Variants in SPATA6 observed in about 807,000 individuals in gnomAD.
The protein encoded by SPATA6 is spermatogenesis-associated protein 6.
A neutral mutation model predicts 65.3 loss-of-function variants in SPATA6; 56 were observed. The ratio of observed to expected loss-of-function variants is 0.86; its 90% CI spans 0.69 to 1.07. SPATA6 has a LOEUF of 1.07. Ranked by LOEUF, SPATA6 falls within the 50% of genes least tolerant of loss-of-function variation. The pLI is 0.00. For missense variants in SPATA6, 590 were observed against 594.8 expected, an observed-to-expected ratio of 0.99 and a Z score of 0.08; for synonymous variants, 199 against 213.2, an observed-to-expected ratio of 0.93 and a Z score of 0.58.
At chr1:48,436,977 T>C (rs529484563) in intron 3 of SPATA6, 2 of 1,611,744 alleles carry the variant, frequency 1.2e-6, no homozygotes, top group Non-Finnish European at 1.7e-6. Flanking sequence ...CCTCAAAAAC[T>C]TTCTCTCCTG....
intron 3 of SPATA6, among the ~76,000 whole-genome samples, chr1:48,437,527 T>G (rs1655050817): frequency 6.6e-6 from 1 of 152,204 alleles, no homozygotes; most frequent in Non-Finnish European, 1.5e-5. Flanking sequence ...GCCAGTTAAT[T>G]TTTTTCAGTA....
chr1:48,329,516 G>A (rs947843550), intron 11 of SPATA6, among the ~76,000 whole-genome samples: 5 of 152,078 alleles, frequency 3.3e-5, no homozygotes, highest in African/African-American at 9.7e-5. Flanking sequence ...AATTAAACTC[G>A]AATTACTATT....
At chr1:48,345,645 A>C (rs955230412) in intron 11 of SPATA6, among the ~76,000 whole-genome samples, 7 of 152,020 alleles carry the variant, frequency 4.6e-5, no homozygotes, top group Non-Finnish European at 8.8e-5. Context: ...CAATCCTAGA[A>C]ACAACAAGGG....
At chr1:48,322,805 C>A (rs777203228) in intron 11 of SPATA6, among the ~76,000 whole-genome samples, 1 of 152,146 alleles carries the variant, frequency 6.6e-6, no homozygotes, top group Non-Finnish European at 1.5e-5. Flanking sequence ...ATGCAGCCAA[C>A]AAACTTATGA....
intron 3 of SPATA6, among the ~76,000 whole-genome samples, chr1:48,424,432 G>A (rs1389744042): frequency 6.6e-6 from 1 of 152,210 alleles, no homozygotes; most frequent in African/African-American, 2.4e-5. Flanking sequence ...ACTGTAAACA[G>A]TGCTGCAACA....
intron 8 of SPATA6, among the ~76,000 whole-genome samples, chr1:48,392,848 T>C (rs1176885178): frequency 1.3e-5 from 2 of 151,946 alleles, no homozygotes; most frequent in African/African-American, 4.8e-5. Flanking sequence ...AATTCCCATA[T>C]GTATTTAAAT....
chr1:48,277,822 G>C, the SPATA6 span, among the ~76,000 whole-genome samples: 1 of 152,350 alleles, frequency 6.6e-6, no homozygotes, highest in Admixed American at 6.5e-5. Flanking sequence ...GCTTTGAAGA[G>C]AGCAGTGGTT....
chr1:48,299,032 C>T (rs958987961), intron 12 of SPATA6, 139 bp from the exon 13 acceptor site: 3 of 768,780 alleles, frequency 3.9e-6, no homozygotes, highest in East Asian at 2.9e-5. Context: ...CAGAGTAAGG[C>T]CTGTGCTTTC....
At chr1:48,411,404 C>A (rs928833539) in intron 5 of SPATA6, 60 bp downstream of exon 5, 7 of 1,545,990 alleles carry the variant, frequency 4.5e-6, no homozygotes, top group Non-Finnish European at 5.3e-6. Flanking sequence ...GAGCACTATG[C>A]GGTGGTTTCT....
At position 48,319,863 on chromosome 1, in the gene SPATA6, G is replaced by A. The variant is rs368972257; in HGVS notation, c.1195-13985C>T. 9.9e-5 allele frequency among the ~76,000 whole-genome samples: 15 copies of A among 152,120 alleles called. No homozygotes were observed. In the East Asian group the frequency reaches 1.4e-3, roughly 14 times the overall value. ...CTGCACCCAACCAAGGAGGAAGGCCGAGCACTTTCACATGCCCCAAAGACA... is the reference window on the plus strand; with the variant it reads ...CTGCACCCAACCAAGGAGGAAGGCCAAGCACTTTCACATGCCCCAAAGACA... On this transcript the variant is annotated intron_variant, in intron 11 of 12. Coordinates refer to ENST00000371847, the MANE Select transcript of SPATA6 (RefSeq NM_019073.4).
chr1:48,378,687 C>T (rs752129918), intron 9 of SPATA6, among the ~76,000 whole-genome samples: 21 of 152,130 alleles, frequency 1.4e-4, no homozygotes, highest in Non-Finnish European at 2.5e-4. Context: ...GAAAGATAGA[C>T]GCTTACAGTT....
At chr1:48,466,534 G>C (rs544024422) in intron 1 of SPATA6, among the ~76,000 whole-genome samples, 5 of 152,060 alleles carry the variant, frequency 3.3e-5, no homozygotes, top group African/African-American at 4.8e-5. Context: ...GTCAGGAAGA[G>C]GTAAAAGGTA....
chr1:48,466,767 C>T (rs985506192), intron 1 of SPATA6, among the ~76,000 whole-genome samples: 10 of 151,890 alleles, frequency 6.6e-5, no homozygotes, highest in African/African-American at 2.4e-4. Flanking sequence ...ACACTACCTA[C>T]AGTAACCTGG....
Position 48,399,463 on chromosome 1 carries a change from T to C in SPATA6, c.668A>G (p.Lys223Arg), listed in dbSNP as rs150319200. Residue 223 changes from lysine to arginine, a missense_variant, in exon 7 of 13, where the codon AAA becomes AGA. Coordinates refer to ENST00000371847, the MANE Select transcript of SPATA6 (RefSeq NM_019073.4). ...TTCAGATAGCTCACACATGCGTCTTTTTGTGTAGGGAGATGGAGAGTGTGA... is the reference window on the plus strand; with the variant it reads ...TTCAGATAGCTCACACATGCGTCTTCTTGTGTAGGGAGATGGAGAGTGTGA... ...SKSHSPSPYT[K>R]RRMCELSEDT... 1.9e-6 allele frequency: 3 copies of C among 1,613,196 alleles called. No individual in the cohort carries two copies. Among genetic ancestry groups the C allele is most frequent in the African/African-American group, 1.3e-5 (1 of 74,830 alleles).
chr1:48,279,110 C>G, the SPATA6 span, among the ~76,000 whole-genome samples: 1 of 152,022 alleles, frequency 6.6e-6, no homozygotes, highest in Non-Finnish European at 1.5e-5. Flanking sequence ...GAAATAAAAT[C>G]CTTTACAGAC....
chr1:48,302,342 A>AT (rs1644959516), intron 12 of SPATA6, among the ~76,000 whole-genome samples: 1 of 152,106 alleles, frequency 6.6e-6, no homozygotes, highest in Non-Finnish European at 1.5e-5. Flanking sequence ...ACCAACAGGT[A>AT]TTTTTTCAAC....
the SPATA6 span, among the ~76,000 whole-genome samples, chr1:48,270,992 G>T: frequency 6.6e-6 from 1 of 152,144 alleles, no homozygotes; most frequent in Non-Finnish European, 1.5e-5. Flanking sequence ...TTGAAAGCTA[G>T]AAGATAGAGA....
At chr1:48,319,334 A>G (rs188101850) in intron 11 of SPATA6, among the ~76,000 whole-genome samples, 3 of 152,318 alleles carry the variant, frequency 2.0e-5, no homozygotes, top group Non-Finnish European at 1.5e-5. Flanking sequence ...AACCACAAAC[A>G]TAAGAATATA....
intron 11 of SPATA6, among the ~76,000 whole-genome samples, chr1:48,312,099 C>CAA: frequency 6.6e-6 from 1 of 152,232 alleles, no homozygotes; most frequent in African/African-American, 2.4e-5. Flanking sequence ...CACCACAGCT[C>CAA]AAGGAGGCCT....
Sources: allele counts gnomAD v4.1 joint callset (sites outside exome capture counted in the v4.1 genomes callset), GRCh38; gene constraint gnomAD v4.1.1; transcripts MANE v1.5; gene names NCBI Gene and HGNC (gene_info 2026-07-23, HGNC 2026-07-21).